The following PTBP3 variants were observed in gnomAD, a reference collection of about 807,000 sequenced individuals.
PTBP3 encodes polypyrimidine tract-binding protein 3.
Under a neutral mutation model 58.7 loss-of-function variants are expected in PTBP3, and 20 were observed. The observed-to-expected ratio is 0.34, with a 90% CI of 0.24 to 0.50. The LOEUF (loss-of-function observed/expected upper bound fraction) is 0.50, where lower values mean the gene tolerates loss of function less well. PTBP3 is among the 20% of genes least tolerant of loss of function. PTBP3 has a pLI of 0.98. For synonymous variants in PTBP3, 185 were observed against 219.8 expected, an observed-to-expected ratio of 0.84 and a Z score of 1.40; for missense variants, 509 against 637.2, an observed-to-expected ratio of 0.80 and a Z score of 2.17.
Position 112,250,297 on chromosome 9 carries a change from T to C in PTBP3, c.802+632A>G, listed in dbSNP as rs145608368. 3.5e-4 allele frequency among the ~76,000 whole-genome samples: 53 copies of C among 152,262 alleles called. No individual in the cohort carries two copies. In the East Asian group the frequency reaches 0.01, roughly 29 times the overall value. ...CTGTGAAACCAAAAGTAGCATATAC[T>C]AACCTAATAAGATATTCAAACTGGG... On this transcript the variant is annotated intron_variant, in intron 7 of 13. Transcript: ENST00000374257.
intron 2 of PTBP3, among the ~76,000 whole-genome samples, chr9:112,278,533 G>C (rs1392690653): frequency 6.6e-6 from 1 of 152,128 alleles, no homozygotes; most frequent in African/African-American, 2.4e-5. Flanking sequence ...CTTTAACAGA[G>C]GTATTCTATG....
At chr9:112,217,783 T>G (rs1834673017), downstream of PTBP3, 1 of 152,236 alleles carries the variant, frequency 6.6e-6, no homozygotes, top group African/African-American at 2.4e-5. Context: ...CAGCAAAGAT[T>G]AGTAGTGATT....
chr9:112,292,657 G>C (rs1393975157), intron 2 of PTBP3, among the ~76,000 whole-genome samples: 1 of 152,184 alleles, frequency 6.6e-6, no homozygotes, highest in Non-Finnish European at 1.5e-5. Context: ...ACTATGCTAA[G>C]TGAAATAAGC....
chr9:112,322,099 C>T (rs995742934), intron 1 of PTBP3, among the ~76,000 whole-genome samples: 5 of 127,118 alleles, frequency 3.9e-5, no homozygotes, highest in Non-Finnish European at 7.8e-5. Flanking sequence ...CGTGCCATTG[C>T]ACTCCAGCCT....
rs1836640957 is a variant in PTBP3 at position 112,262,527 on chromosome 9, T to C, written c.424A>G (p.Asn142Asp). 2 of 1,612,190 alleles carry C rather than the reference T, an allele frequency of 1.2e-6. No individual in the cohort carries two copies. Among genetic ancestry groups the C allele is most frequent in the Non-Finnish European group, 1.7e-6 (2 of 1,179,336 alleles). The change falls in exon 5 of 14, where the codon AAT (asparagine) becomes GAT (aspartate). Residue 142 changes from asparagine to aspartate, a missense_variant. By Grantham distance (23) the Asn-to-Asp change is conservative (BLOSUM62 1). Around this residue, in one of 4 missense-constraint regions of PTBP3, gnomAD observed 212 missense variants for 215.3 expected, o/e 0.98. Coordinates refer to ENST00000374257, the MANE Select transcript of PTBP3 (RefSeq NM_001163788.4). ...TGCCCAGGTAGGACTGTGCCTTCATTGGAAGGACCTCCAGAAAGGGCCAGG... is the reference window on the plus strand; with the variant it reads ...TGCCCAGGTAGGACTGTGCCTTCATCGGAAGGACCTCCAGAAAGGGCCAGG... ...GSLALSGGPS[N>D]EGTVLPGQSP... is the part of the protein sequence containing the mutation.
Position 112,280,142 on chromosome 9 carries a change from C to T in PTBP3, c.35-4129G>A, listed in dbSNP as rs181491225. ...TGATGCAATCGGCTCACTGCAACCC[C>T]CGCCTCCCAGGATCAAGAAATTCTC... On this transcript the variant is annotated intron_variant, in intron 2 of 13. Coordinates refer to ENST00000374257, the MANE Select transcript of PTBP3 (RefSeq NM_001163788.4). Among the ~76,000 whole-genome samples the T allele has an allele frequency of 1.1e-4, 17 of 152,234 alleles. No homozygotes were observed. The East Asian group carries it at 3.3e-3, about 29-fold the overall frequency.
At chr9:112,309,468 T>G (rs552663424) in intron 1 of PTBP3, among the ~76,000 whole-genome samples, 1 of 152,260 alleles carries the variant, frequency 6.6e-6, no homozygotes, top group Admixed American at 6.5e-5. Context: ...ATATAATCGA[T>G]GTTCAAAACT....
intron 1 of PTBP3, among the ~76,000 whole-genome samples, chr9:112,317,867 C>T (rs999102843): frequency 6.6e-6 from 1 of 151,518 alleles, no homozygotes; most frequent in Non-Finnish European, 1.5e-5. Context: ...CGCTTGAACC[C>T]GTGAGTCGGA....
intron 1 of PTBP3, among the ~76,000 whole-genome samples, chr9:112,320,291 A>AAAAAATATATATATAT (rs1411646280): frequency 2.0e-4 from 15 of 73,524 alleles, no homozygotes; most frequent in East Asian, 9.5e-4. Context: ...AAAAAAAAAA[A>AAAAAATATATATATAT]ATATATATAT....
At chr9:112,271,570 C>G (rs1215230559) in intron 3 of PTBP3, among the ~76,000 whole-genome samples, 1 of 151,894 alleles carries the variant, frequency 6.6e-6, no homozygotes, top group East Asian at 1.9e-4. Context: ...AAATCACACA[C>G]AAAAAATTAG....
intron 1 of PTBP3, among the ~76,000 whole-genome samples, chr9:112,320,295 T>A (rs58617127): frequency 0.019 from 689 of 35,810 alleles, 10 homozygotes; most frequent in African/African-American, 0.11. Context: ...AAAAAAAATA[T>A]ATATATATAT....
chr9:112,229,528 G>A (rs1028959136), intron 10 of PTBP3, among the ~76,000 whole-genome samples: 7 of 147,768 alleles, frequency 4.7e-5, no homozygotes, highest in South Asian at 2.1e-4. Flanking sequence ...TTGTGCCACC[G>A]CACTCCAGCC....
intron 3 of PTBP3, among the ~76,000 whole-genome samples, chr9:112,273,307 G>C (rs1827467788): frequency 1.3e-5 from 2 of 152,202 alleles, no homozygotes; most frequent in East Asian, 3.8e-4. Context: ...TTATCCACTT[G>C]TGTCAGTAAT....
rs566812806 is a variant in PTBP3, at chr9:112,220,988, T to G, written c.*2863A>C. 2 of 971,226 alleles carry G rather than the reference T, an allele frequency of 2.1e-6. No individual in the cohort carries two copies. The highest frequency in any genetic ancestry group is 2.3e-4 in the East Asian group (2 of 8,752). The allele number at this position is 971,226 out of a possible 1,614,324, so 60.2% of individuals were successfully genotyped here. A position where few individuals can be genotyped will look rare whatever the true frequency, so the allele number is the denominator to read the frequency against. The stretch of plus-strand genomic sequence containing the variant: ...ATACACAGATCTAGTTTTTCCACCA[T>G]CCTGATATTTTTTAATCTTTTTTTT... On this transcript the variant is annotated 3_prime_UTR_variant, in exon 14 of 14. Coordinates refer to ENST00000374257, the MANE Select transcript of PTBP3 (RefSeq NM_001163788.4).
the PTBP3 span, among the ~76,000 whole-genome samples, chr9:112,361,261 TA>T: frequency 6.6e-6 from 1 of 152,110 alleles, no homozygotes; most frequent in South Asian, 2.1e-4. Flanking sequence ...CATACCTGGA[TA>T]ATTTTTTTGT....
At chr9:112,362,130 G>C in the PTBP3 span, among the ~76,000 whole-genome samples, 1 of 152,168 alleles carries the variant, frequency 6.6e-6, no homozygotes, top group Admixed American at 6.6e-5. Context: ...CTTGAGTTCA[G>C]GAGTTTGAGA....
the PTBP3 span, among the ~76,000 whole-genome samples, chr9:112,370,497 C>T: frequency 5.3e-5 from 8 of 151,976 alleles, no homozygotes; most frequent in East Asian, 1.9e-4. Context: ...ACCGAGATTG[C>T]GCTACTGCAT....
intron 12 of PTBP3, among the ~76,000 whole-genome samples, chr9:112,226,301 G>A (rs148601352): frequency 2.0e-5 from 3 of 152,000 alleles, no homozygotes; most frequent in Non-Finnish European, 4.4e-5. Context: ...CAGCAGGGAG[G>A]CCGGATATTC....
rs762252753 is a variant in PTBP3 at position 112,227,435 on chromosome 9, G to C, written c.1340C>G (p.Ala447Gly). 6.2e-7 allele frequency: 1 copy of C among 1,613,790 alleles called. No homozygotes were observed. Among genetic ancestry groups the C allele is most frequent in the Non-Finnish European group, 8.5e-7 (1 of 1,179,848 alleles). Residue 447 changes from alanine to glycine, a missense_variant, in exon 12 of 14, where the codon GCC (alanine) becomes GGC (glycine). By Grantham distance (60) the Ala-to-Gly change is moderately conservative. Around this residue, in one of 4 missense-constraint regions of PTBP3, gnomAD observed 135 missense variants for 229.0 expected, o/e 0.59. Transcript: ENST00000374257. Reference sequence around the variant, plus strand: ...CGGAATGTTGGAAAGATGCAGAGTGGCTGATGGTGGAAAGATATTCTGGAA... The same window carrying C: ...CGGAATGTTGGAAAGATGCAGAGTGCCTGATGGTGGAAAGATATTCTGGAA... ...KNFQNIFPPS[A>G]TLHLSNIPPS...
Sources: gnomAD v4.1 joint callset for allele counts (sites outside exome capture counted in the v4.1 genomes callset) on GRCh38, gnomAD v4.1.1 for gene constraint, gnomAD v4.1.1 regional missense constraint, MANE v1.5 for transcripts, NCBI Gene and HGNC (gene_info 2026-07-23, HGNC 2026-07-21) for gene names.